The following ZMYND8 variants were observed in gnomAD, a reference collection of about 807,000 sequenced individuals.
The protein encoded by ZMYND8 is zinc finger MYND-type containing 8.
In ZMYND8, 37 loss-of-function variants were observed where a neutral mutation model predicts 140.8. The ratio of observed to expected loss-of-function variants is 0.26; its 90% CI spans 0.20 to 0.35. The LOEUF (loss-of-function observed/expected upper bound fraction) is 0.35. Among genes scored for constraint, ZMYND8 ranks in the 10% least tolerant of loss-of-function variants. The pLI, the probability that ZMYND8 is intolerant of heterozygous loss-of-function variation, is 1.00. For synonymous variants in ZMYND8, 592 were observed against 597.1 expected, an observed-to-expected ratio of 0.99 and a Z score of 0.12; for missense variants, 1,068 against 1,570.0, an observed-to-expected ratio of 0.68 and a Z score of 5.40.
intron 2 of ZMYND8, among the ~76,000 whole-genome samples, chr20:47,326,530 C>T (rs900346029): frequency 1.3e-5 from 2 of 152,166 alleles, no homozygotes; most frequent in African/African-American, 4.8e-5. Context: ...CTGAGATGGC[C>T]ATTTAACCAA....
intron 11 of ZMYND8, among the ~76,000 whole-genome samples, chr20:47,267,527 A>G (rs1045878307): frequency 6.6e-6 from 1 of 151,692 alleles, no homozygotes; most frequent in Non-Finnish European, 1.5e-5. Flanking sequence ...ACTGGGCAAC[A>G]CTGCCCTGCC....
chr20:47,293,073 AAGGGAGGGAGGTAGGG>A (rs1410314070), intron 5 of ZMYND8, among the ~76,000 whole-genome samples: 1 of 139,494 alleles, frequency 7.2e-6, no homozygotes, highest in Non-Finnish European at 1.5e-5. Context: ...GAAAGGAAGG[AAGGGAGGGAGGTAGGG>A]AGGGAGGGAG....
chr20:47,315,325 G>A (rs888064496), intron 2 of ZMYND8, among the ~76,000 whole-genome samples: 3 of 152,170 alleles, frequency 2.0e-5, no homozygotes, highest in African/African-American at 4.8e-5. Context: ...TCTGTTTGCT[G>A]TTACAAACAC....
At chr20:47,268,440 C>T (rs573238701) in intron 11 of ZMYND8, among the ~76,000 whole-genome samples, 2 of 151,620 alleles carry the variant, frequency 1.3e-5, no homozygotes, top group South Asian at 4.2e-4. Context: ...ATTACAGGCG[C>T]CCGCCACCAT....
In ZMYND8 at chr20:47,347,867, G is replaced by C. The variant is rs2082458377; in HGVS notation, c.74C>G (p.Thr25Ser). 6.2e-7 allele frequency: 1 copy of C among 1,613,910 alleles called. No individual in the cohort carries two copies. The highest frequency in any genetic ancestry group is 8.5e-7 in the Non-Finnish European group (1 of 1,179,996). Residue 25 changes from threonine (T) to serine (S), a missense_variant, in exon 2 of 23, where the codon ACT (threonine) becomes AGT (serine). Physicochemically the swap from Thr to Ser is moderately conservative, Grantham distance 58 (BLOSUM62 1). Around this residue, in one of 10 missense-constraint regions of ZMYND8, gnomAD observed 77 missense variants for 85.1 expected, o/e 0.91. Coordinates refer to ENST00000471951, the MANE Select transcript of ZMYND8 (RefSeq NM_001281775.3). The part of the protein sequence containing the change: ...QEVVEGMDIS[T>S]RSKDPGSAER... ...AGATTTTTACTCACCTTTGGAGCGA[G>C]TAGAGATATCCATGCCCTCTACCAC...
intron 1 of ZMYND8, 153 bp downstream of exon 1, chr20:47,356,504 A>G (rs1475252930): frequency 6.2e-7 from 1 of 1,602,982 alleles, no homozygotes; most frequent in Non-Finnish European, 8.5e-7. Context: ...GACCCAAGAA[A>G]GCAAAAAAAT....
intron 3 of ZMYND8, among the ~76,000 whole-genome samples, chr20:47,305,001 G>A (rs1365953700): frequency 6.6e-6 from 1 of 152,102 alleles, no homozygotes; most frequent in African/African-American, 2.4e-5. Flanking sequence ...CCACCAATTT[G>A]GGAGAATGAG....
At chr20:47,338,243 C>G (rs558128509) in intron 2 of ZMYND8, among the ~76,000 whole-genome samples, 2 of 152,196 alleles carry the variant, frequency 1.3e-5, no homozygotes, top group Non-Finnish European at 2.9e-5. Flanking sequence ...GAGGAGGCTC[C>G]GGGCTGGCTC....
chr20:47,225,017 CG>C (rs1327647879), intron 18 of ZMYND8, among the ~76,000 whole-genome samples: 1 of 152,156 alleles, frequency 6.6e-6, no homozygotes, highest in Non-Finnish European at 1.5e-5. Flanking sequence ...AATAATCCTA[CG>C]GGGTAAGTAC....
At chr20:47,278,915 A>ATGAC (rs1228713615) in intron 10 of ZMYND8, among the ~76,000 whole-genome samples, 3 of 151,998 alleles carry the variant, frequency 2.0e-5, no homozygotes, top group Non-Finnish European at 4.4e-5. Context: ...CCTAGGGCAA[A>ATGAC]TGACTCCCCC....
intron 14 of ZMYND8, among the ~76,000 whole-genome samples, chr20:47,243,300 T>A (rs1454934819): frequency 6.6e-6 from 1 of 152,226 alleles, no homozygotes; most frequent in Non-Finnish European, 1.5e-5. Context: ...CGAGAATTTT[T>A]CAAGACCCAA....
At chr20:47,255,722 G>GTGTA (rs1458176502) in intron 12 of ZMYND8, among the ~76,000 whole-genome samples, 73 of 77,692 alleles carry the variant, frequency 9.4e-4, no homozygotes, top group East Asian at 3.6e-3. Flanking sequence ...GTGTATGTGT[G>GTGTA]TATATATATA....
chr20:47,325,049 C>G (rs1035814049), intron 2 of ZMYND8, among the ~76,000 whole-genome samples: 1 of 152,096 alleles, frequency 6.6e-6, no homozygotes, highest in Non-Finnish European at 1.5e-5. Context: ...GGACTACAGG[C>G]GTGCGCCACC....
chr20:47,326,964 G>A (rs1181743460), intron 2 of ZMYND8, among the ~76,000 whole-genome samples: 1 of 152,148 alleles, frequency 6.6e-6, no homozygotes, highest in African/African-American at 2.4e-5. Context: ...AACCTGGTTT[G>A]AAGTGACTGT....
chr20:47,287,798 C>G lies in ZMYND8; in HGVS notation c.749-514G>C, dbSNP rs113113990. ...CTTGAGCCCAGGAGTTGAAGACCAG[C>G]CTGGGCAACATAGCGAGACCCCACC... On this transcript the variant is annotated intron_variant, in intron 7 of 22. Transcript: ENST00000471951. Among the ~76,000 whole-genome samples the G allele has an allele frequency of 5.9e-3, 900 of 152,068 alleles. 7 individuals are homozygous for G. The highest frequency in any genetic ancestry group is 0.044 in the South Asian group (213 of 4,816).
intron 12 of ZMYND8, among the ~76,000 whole-genome samples, chr20:47,253,252 G>C (rs2074329148): frequency 6.6e-6 from 1 of 152,196 alleles, no homozygotes. Flanking sequence ...AAACTTGCCA[G>C]GAGGTCGAGC....
rs115074972 is a variant in ZMYND8, at chr20:47,278,681, A to G, written c.999-1886T>C. 7.5e-3 allele frequency among the ~76,000 whole-genome samples: 1,141 copies of G among 152,332 alleles called. 11 individuals carry two copies. The highest frequency in any genetic ancestry group is 0.026 in the African/African-American group (1,077 of 41,570). On this transcript the variant is annotated intron_variant, in intron 10 of 22. Transcript: ENST00000471951. ...CCCAAAAATATCGATCTGCTCTATC[A>G]GAGGGCTGGAAATCACCAGCTTCTC... is the stretch of plus-strand genomic sequence containing the variant.
chr20:47,276,382 T>G lies in ZMYND8; in HGVS notation c.1412A>C (p.Glu471Ala). The G allele has an allele frequency of 6.2e-7, 1 of 1,607,034 alleles. No homozygotes were observed. Among genetic ancestry groups the G allele is most frequent in the African/African-American group, 1.3e-5 (1 of 74,928 alleles). The change falls in exon 11 of 23, where the codon GAG (glutamate) becomes GCG (alanine). Residue 471 changes from glutamate (E) to alanine (A), a missense_variant. Glu to Ala is a moderately radical substitution (Grantham distance 107, BLOSUM62 -1). Around this residue, in one of 10 missense-constraint regions of ZMYND8, gnomAD observed 173 missense variants for 223.3 expected, o/e 0.77. Transcript: ENST00000471951. ...HTGSDVEQDA[E>A]KKATSSHFSA... ...GAAGTGGCTCGACGTGGCCTTCTTCTCAGCATCCTGCTCCACGTCGGAGCC... is the reference window on the plus strand; with the variant it reads ...GAAGTGGCTCGACGTGGCCTTCTTCGCAGCATCCTGCTCCACGTCGGAGCC...
chr20:47,238,560 A>G (rs2039539020), intron 15 of ZMYND8, 198 bp downstream of exon 15: 1 of 978,422 alleles, frequency 1.0e-6, no homozygotes, highest in Non-Finnish European at 1.5e-6. Context: ...AACAAAAAAA[A>G]CTTTTTGAAA....
Sources: gnomAD v4.1 joint callset for allele counts (sites outside exome capture counted in the v4.1 genomes callset) on GRCh38, gnomAD v4.1.1 for gene constraint, gnomAD v4.1.1 regional missense constraint, MANE v1.5 for transcripts, NCBI Gene and HGNC (gene_info 2026-07-23, HGNC 2026-07-21) for gene names.